Variants in NCAM2 observed in about 807,000 individuals in gnomAD.
NCAM2 encodes N-CAM-2.
In NCAM2, 30 loss-of-function variants were observed where a neutral mutation model predicts 98.1. The ratio of observed to expected loss-of-function variants is 0.31; its 90% confidence interval spans 0.23 to 0.41. The LOEUF (loss-of-function observed/expected upper bound fraction) is 0.41, where lower values mean the gene tolerates loss of function less well. NCAM2 is among the 10% of genes least tolerant of loss of function. NCAM2 has a pLI of 1.00. For synonymous variants in NCAM2, 368 were observed against 342.4 expected (o/e 1.07, Z -0.83); for missense variants, 867 against 1,005.8 (o/e 0.86, Z 1.87).
intron 15 of NCAM2, among the ~76,000 whole-genome samples, chr21:21,493,201 C>G (rs114401106): frequency 6.6e-6 from 1 of 151,802 alleles, no homozygotes; most frequent in African/African-American, 2.4e-5. Context: ...TACATAAAAA[C>G]AGGAAGCTAA....
chr21:21,319,222 T>C (rs1382058271), intron 5 of NCAM2, among the ~76,000 whole-genome samples: 1 of 152,114 alleles, frequency 6.6e-6, no homozygotes, highest in African/African-American at 2.4e-5. Flanking sequence ...TTTTTTAAAA[T>C]AGCAATAAAA....
chr21:21,477,489 C>G lies in NCAM2; in HGVS notation c.2077+18C>G. 1 of 1,538,698 alleles carries G rather than the reference C, an allele frequency of 6.5e-7. No homozygotes were observed. The highest frequency in any genetic ancestry group is 8.8e-7 in the Non-Finnish European group (1 of 1,133,030). On this transcript the variant is annotated intron_variant, in intron 15 of 17. Transcript: ENST00000400546. The stretch of plus-strand genomic sequence containing the variant: ...TATTAAAGGTAAGCAAAACTATATT[C>G]TTTTTTAGACTGAACAATAAATATG...
intron 1 of NCAM2, among the ~76,000 whole-genome samples, chr21:21,143,383 T>G (rs1197028649): frequency 6.6e-6 from 1 of 152,230 alleles, no homozygotes; most frequent in African/African-American, 2.4e-5. Context: ...CAGTTTTGAT[T>G]TGTTTTAGCT....
At chr21:21,185,608 C>G (rs1481697649) in intron 1 of NCAM2, among the ~76,000 whole-genome samples, 4 of 152,134 alleles carry the variant, frequency 2.6e-5, no homozygotes, top group Non-Finnish European at 5.9e-5. Context: ...TCACATCTCC[C>G]AAAGCTTGTG....
At chr21:21,511,629 C>T (rs9808684) in intron 16 of NCAM2, among the ~76,000 whole-genome samples, 27,861 of 151,654 alleles carry the variant, frequency 0.18, 3,114 homozygotes, top group African/African-American at 0.31. Context: ...CACTGGATCA[C>T]ATGGTAGTTT....
chr21:21,110,235 A>G (rs1297984498), intron 1 of NCAM2, among the ~76,000 whole-genome samples: 1 of 152,224 alleles, frequency 6.6e-6, no homozygotes, highest in East Asian at 1.9e-4. Context: ...AGTTTATATA[A>G]GAGTGTCAGG....
chr21:21,024,972 T>A (rs2064513515), intron 1 of NCAM2, among the ~76,000 whole-genome samples: 1 of 152,196 alleles, frequency 6.6e-6, no homozygotes, highest in Non-Finnish European at 1.5e-5. Context: ...AGGTCAGAAT[T>A]TTATGTGCTT....
At chr21:21,415,288 A>G (rs1188815834) in intron 10 of NCAM2, among the ~76,000 whole-genome samples, 1 of 116,430 alleles carries the variant, frequency 8.6e-6, no homozygotes, top group Non-Finnish European at 1.8e-5. Context: ...TTTAAATTCT[A>G]TTTTTTAGTG....
chr21:21,190,509 C>T (rs1408192740), intron 1 of NCAM2, among the ~76,000 whole-genome samples: 1 of 152,184 alleles, frequency 6.6e-6, no homozygotes, highest in Admixed American at 6.5e-5. Flanking sequence ...GACTCTGAGT[C>T]TTCTTCTTCA....
intron 6 of NCAM2, among the ~76,000 whole-genome samples, chr21:21,330,398 T>C (rs1456257100): frequency 6.6e-6 from 1 of 152,110 alleles, no homozygotes; most frequent in Non-Finnish European, 1.5e-5. Flanking sequence ...ACTATTCATT[T>C]AGAAGTATGC....
intron 12 of NCAM2, among the ~76,000 whole-genome samples, chr21:21,458,371 C>T (rs1270313188): frequency 1.3e-5 from 2 of 152,232 alleles, no homozygotes; most frequent in Non-Finnish European, 2.9e-5. Context: ...GGCCTCTTAG[C>T]AGAGCTGCAG....
chr21:21,185,427 G>A (rs1198941436), intron 1 of NCAM2, among the ~76,000 whole-genome samples: 6 of 152,014 alleles, frequency 3.9e-5, no homozygotes. Flanking sequence ...CTCCTGTCTA[G>A]CATGACTTTT....
rs926688431 is a variant in NCAM2, at chr21:21,542,161, A to T, written c.*4204A>T. On this transcript the variant is annotated 3_prime_UTR_variant, in exon 18 of 18. Coordinates refer to ENST00000400546, the MANE Select transcript of NCAM2 (RefSeq NM_004540.5). ...TTTTATGTCCAAATGAGAAATTTAT[A>T]AAAAGACCCACATATAGTAGTTGCT... is the stretch of plus-strand genomic sequence containing the variant. 1 of 151,874 alleles carries T rather than the reference A, an allele frequency of 6.6e-6. No individual in the cohort carries two copies. The highest frequency in any genetic ancestry group is 2.4e-5 in the African/African-American group (1 of 41,426). The allele number at this position is 151,874 out of a possible 1,614,324, so 9.4% of individuals were successfully genotyped here. A position where few individuals can be genotyped will look rare whatever the true frequency, so the allele number is the denominator to read the frequency against.
chr21:21,285,394 G>T (rs2073064822), intron 3 of NCAM2, among the ~76,000 whole-genome samples: 1 of 151,824 alleles, frequency 6.6e-6, no homozygotes, highest in Non-Finnish European at 1.5e-5. Flanking sequence ...TGTTGCTCTT[G>T]TGTTTCCTGA....
intron 8 of NCAM2, among the ~76,000 whole-genome samples, chr21:21,363,353 G>T (rs1307505970): frequency 6.6e-6 from 1 of 152,072 alleles, no homozygotes; most frequent in Non-Finnish European, 1.5e-5. Context: ...TCATATTGCA[G>T]ATATTACCAC....
At chr21:21,010,577 C>T (rs773317198) in intron 1 of NCAM2, among the ~76,000 whole-genome samples, 3 of 152,042 alleles carry the variant, frequency 2.0e-5, no homozygotes, top group Non-Finnish European at 2.9e-5. Context: ...ACAGTGACTT[C>T]TTTAATCAGG....
At chr21:21,305,636 T>C (rs2147675786) in intron 5 of NCAM2, among the ~76,000 whole-genome samples, 1 of 152,244 alleles carries the variant, frequency 6.6e-6, no homozygotes, top group South Asian at 2.1e-4. Flanking sequence ...TCTGTCTGCC[T>C]CCTTTCTGAT....
At chr21:21,466,916 G>GA (rs1020169332) in intron 13 of NCAM2, among the ~76,000 whole-genome samples, 191 bp downstream of exon 13, 8 of 151,622 alleles carry the variant, frequency 5.3e-5, no homozygotes, top group Non-Finnish European at 7.4e-5. Context: ...GAGCAAGGCA[G>GA]AAAAAAAAGA....
intron 15 of NCAM2, among the ~76,000 whole-genome samples, chr21:21,486,446 C>G (rs1257574689): frequency 6.6e-6 from 1 of 151,872 alleles, no homozygotes; most frequent in Non-Finnish European, 1.5e-5. Flanking sequence ...AACCAATATT[C>G]CGTTTATTAA....
Sources: gnomAD v4.1 joint callset for allele counts (sites outside exome capture counted in the v4.1 genomes callset) on GRCh38, gnomAD v4.1.1 for gene constraint, MANE v1.5 for transcripts, NCBI Gene and HGNC (gene_info 2026-07-23, HGNC 2026-07-21) for gene names.